The following KLHL7 variants were observed in gnomAD, a reference collection of about 807,000 sequenced individuals.
KLHL7 encodes kelch-like protein 7.
In KLHL7, 44 loss-of-function variants were observed where a neutral mutation model predicts 67.4. The ratio of observed to expected loss-of-function variants is 0.65; its 90% CI spans 0.51 to 0.84. The LOEUF is 0.84. Among genes scored for constraint, KLHL7 ranks in the 40% least tolerant of loss-of-function variants. The pLI, the probability that KLHL7 is intolerant of heterozygous loss-of-function variation, is 0.00. For synonymous variants in KLHL7, 252 were observed against 243.3 expected (o/e 1.04, Z -0.33); for missense variants, 362 against 718.1 (o/e 0.50, Z 5.67).
intron 1 of KLHL7, among the ~76,000 whole-genome samples, chr7:23,117,542 C>T (rs116288358): frequency 1.3e-5 from 2 of 152,160 alleles, no homozygotes. Flanking sequence ...TTTGGCCTGA[C>T]CTGGCATATG....
chr7:23,140,218 C>T (rs1784128510), intron 4 of KLHL7, among the ~76,000 whole-genome samples: 1 of 152,020 alleles, frequency 6.6e-6, no homozygotes, highest in South Asian at 2.1e-4. Context: ...TAACAATAGC[C>T]AAGAAAAGTT....
chr7:23,119,977 G>A (rs1358401712), intron 1 of KLHL7, among the ~76,000 whole-genome samples: 2 of 151,944 alleles, frequency 1.3e-5, no homozygotes, highest in Non-Finnish European at 2.9e-5. Flanking sequence ...TAATGACAAG[G>A]ATTTGTATAC....
At chr7:23,163,225 C>T (rs1035691555) in intron 7 of KLHL7, among the ~76,000 whole-genome samples, 3 of 151,960 alleles carry the variant, frequency 2.0e-5, no homozygotes, top group South Asian at 2.1e-4. Flanking sequence ...GGCTGGAGTG[C>T]GGTGGCGTGA....
At position 23,154,972 on chromosome 7, in the gene KLHL7, C is replaced by A. The variant is rs372450342; in HGVS notation, c.936+2763C>A. On this transcript the variant is annotated intron_variant, in intron 7 of 10. Transcript: ENST00000339077. ...TTCTCTTTCTTACCATAACACTTAA[C>A]ACCATACCCATAGAGCAAATATGCC... is the stretch of plus-strand genomic sequence containing the variant. Among the ~76,000 whole-genome samples the A allele has an allele frequency of 2.6e-5, 4 of 152,136 alleles. No homozygotes were observed. The East Asian group carries it at 7.7e-4, about 29-fold the overall frequency.
rs1041245923 is a variant in KLHL7 at position 23,125,690 on chromosome 7, T to G, written c.442+518T>G. On this transcript the variant is annotated intron_variant, in intron 4 of 10. Coordinates refer to ENST00000339077, the MANE Select transcript of KLHL7 (RefSeq NM_001031710.3). The stretch of plus-strand genomic sequence containing the variant: ...GAAAACATAACCTTAGTCTATAAAT[T>G]AAGATACTAACTGAGGGACTGCTAT... The G allele has an allele frequency of 5.7e-5, 81 of 1,415,674 alleles. 2 individuals are homozygous for G. The highest frequency in any genetic ancestry group is 7.4e-6 in the Non-Finnish European group (8 of 1,076,210). 87.7% of individuals were successfully genotyped at this position (1,415,674 alleles called of 1,614,324 possible). A position where few individuals can be genotyped will look rare whatever the true frequency, so the allele number is the denominator to read the frequency against.
intron 4 of KLHL7, among the ~76,000 whole-genome samples, chr7:23,131,935 T>G (rs149138348): frequency 1.4e-4 from 21 of 152,232 alleles, no homozygotes; most frequent in African/African-American, 4.6e-4. Flanking sequence ...TTATTTCACT[T>G]AACATAATTA....
intron 4 of KLHL7, among the ~76,000 whole-genome samples, chr7:23,137,992 A>G (rs1411131689): frequency 6.6e-6 from 1 of 151,502 alleles, no homozygotes; most frequent in South Asian, 2.1e-4. Context: ...CCTGGCCAAC[A>G]TGGTAAAACC....
intron 4 of KLHL7, among the ~76,000 whole-genome samples, chr7:23,126,890 G>T (rs1783594321): frequency 6.6e-6 from 1 of 152,076 alleles, no homozygotes; most frequent in Non-Finnish European, 1.5e-5. Context: ...GTAGCCATGG[G>T]TCTACATATT....
chr7:23,106,116 C>T lies in KLHL7; in HGVS notation c.90C>T (p.Phe30=). The T allele has an allele frequency of 6.2e-7, 1 of 1,610,188 alleles. No homozygotes were observed. Among genetic ancestry groups the T allele is most frequent in the Non-Finnish European group, 8.5e-7 (1 of 1,178,442 alleles). ...AREEAKLLAG[F]MGVMNNMRKQ... ...AAGAAGCTAAATTGTTGGCGGGTTT[C>T]ATGGGCGTCATGAATAACATGCGGA... The change falls in exon 1 of 11, where the codon TTC becomes TTT. Residue 30 remains phenylalanine (F), a synonymous_variant. Coordinates refer to ENST00000339077, the MANE Select transcript of KLHL7 (RefSeq NM_001031710.3).
intron 1 of KLHL7, among the ~76,000 whole-genome samples, chr7:23,121,223 T>C (rs183855502): frequency 6.6e-6 from 1 of 152,214 alleles, no homozygotes; most frequent in African/African-American, 2.4e-5. Flanking sequence ...ATATTTTCTT[T>C]ATCAATTCGT....
At chr7:23,146,666 CT>C (rs141759768) in intron 6 of KLHL7, among the ~76,000 whole-genome samples, 118 of 145,790 alleles carry the variant, frequency 8.1e-4, no homozygotes, top group African/African-American at 2.5e-3. Flanking sequence ...TCTTCTTCTT[CT>C]TTTTTTTTTA....
intron 6 of KLHL7, among the ~76,000 whole-genome samples, chr7:23,148,917 G>A (rs1784445838): frequency 6.6e-6 from 1 of 152,132 alleles, no homozygotes; most frequent in Non-Finnish European, 1.5e-5. Flanking sequence ...CTAAGCACAA[G>A]CAGCTGAGAA....
chr7:23,122,349 C>A (rs949713068), intron 1 of KLHL7, among the ~76,000 whole-genome samples: 1 of 151,960 alleles, frequency 6.6e-6, no homozygotes, highest in Non-Finnish European at 1.5e-5. Context: ...TCACTCCCCA[C>A]CCCTTTCTCC....
chr7:23,161,191 C>T (rs1047714004), intron 7 of KLHL7, among the ~76,000 whole-genome samples: 4 of 152,096 alleles, frequency 2.6e-5, no homozygotes, highest in Non-Finnish European at 4.4e-5. Flanking sequence ...CCACAACGTC[C>T]AAAGACAGTC....
intron 7 of KLHL7, chr7:23,156,229 C>G (rs1784702328): frequency 5.2e-6 from 1 of 191,374 alleles, no homozygotes; most frequent in African/African-American, 2.4e-5. Flanking sequence ...TTATTGATGA[C>G]TAAAAAGTTA....
chr7:23,135,054 T>G (rs915998648), intron 4 of KLHL7, among the ~76,000 whole-genome samples: 4 of 152,200 alleles, frequency 2.6e-5, no homozygotes, highest in Non-Finnish European at 5.9e-5. Context: ...TTTCCTCTCT[T>G]GATGTAGGCA....
chr7:23,145,896 A>G (rs1418913718), intron 6 of KLHL7, among the ~76,000 whole-genome samples: 1 of 152,036 alleles, frequency 6.6e-6, no homozygotes, highest in African/African-American at 2.4e-5. Context: ...ATGCCCAGCT[A>G]ATTTTTGTAT....
At chr7:23,161,863 C>G (rs1241933952) in intron 7 of KLHL7, among the ~76,000 whole-genome samples, 1 of 152,222 alleles carries the variant, frequency 6.6e-6, no homozygotes, top group African/African-American at 2.4e-5. Context: ...AACATTCCCT[C>G]AGTATGCTGA....
In KLHL7 at chr7:23,117,019, T is replaced by C. The variant is rs532989188; in HGVS notation, c.121-6758T>C. On this transcript the variant is annotated intron_variant, in intron 1 of 10. Coordinates refer to ENST00000339077, the MANE Select transcript of KLHL7 (RefSeq NM_001031710.3). ...TTGTCCTATTCTTTAAGAGAAATCC[T>C]CTAATTTTCTCTTAATATCTTTAGC... Among the ~76,000 whole-genome samples the C allele has an allele frequency of 2.0e-5, 3 of 151,406 alleles. No individual in the cohort carries two copies. In the East Asian group the frequency reaches 5.8e-4, roughly 29 times the overall value.
Sources: gnomAD v4.1 joint callset for allele counts (sites outside exome capture counted in the v4.1 genomes callset) on GRCh38, gnomAD v4.1.1 for gene constraint, MANE v1.5 for transcripts, NCBI Gene and HGNC (gene_info 2026-07-23, HGNC 2026-07-21) for gene names.